LMNA: variants seen among roughly 807,000 people sequenced by gnomAD.
The protein encoded by LMNA is lamin A/C.
In LMNA, 20 loss-of-function variants were observed where a neutral mutation model predicts 70.4. That is an observed-to-expected ratio of 0.28 (90% CI 0.20 to 0.41). LMNA has a LOEUF of 0.41. Among genes scored for constraint, LMNA ranks in the 10% least tolerant of loss-of-function variants. LMNA has a pLI of 1.00. For synonymous variants in LMNA, 339 were observed against 372.8 expected (o/e 0.91, Z 1.04); for missense variants, 652 against 917.2 (o/e 0.71, Z 3.73).
chr1:156,097,622 ACC>A (rs1345737365), intron 3 of LMNA, among the ~76,000 whole-genome samples: 1 of 152,240 alleles, frequency 6.6e-6, no homozygotes, highest in African/African-American at 2.4e-5. Context: ...CTGACTCTTT[ACC>A]ATGCTTGGGA....
chr1:156,113,804 C>CTGGTAT (rs1649628338), upstream of LMNA, among the ~76,000 whole-genome samples: 1 of 152,124 alleles, frequency 6.6e-6, no homozygotes, highest in African/African-American at 2.4e-5. Context: ...TTTAAATTAT[C>CTGGTAT]CATTAAAATA....
At position 156,137,783 on chromosome 1, in the gene LMNA, G is replaced by A. The variant is rs1295454941; in HGVS notation, c.1698+40G>A. The A allele has an allele frequency of 6.5e-6, 10 of 1,548,196 alleles. No individual in the cohort carries two copies. Among genetic ancestry groups the A allele is most frequent in the Non-Finnish European group, 8.7e-6 (10 of 1,146,976 alleles). ...CCGCTGAGGCCGAGCCTGCACTGGG[G>A]CCACCCAGCCAGGCCTGGGGGCAGC... On this transcript the variant is annotated intron_variant, in intron 10 of 11. Transcript: ENST00000368300. This position sits in a 1 kb window ranked among gnomAD's most constrained non-coding sequence, Gnocchi z 4.6.
intron 3 of LMNA, among the ~76,000 whole-genome samples, chr1:156,099,867 CAAA>C (rs57524097): frequency 0.076 from 7,635 of 100,254 alleles, 386 homozygotes; most frequent in African/African-American, 0.18. Flanking sequence ...GCCTGGGTGA[CAAA>C]AAAAAAAAAA....
chr1:156,123,487 G>T (rs552407633), intron 1 of LMNA: 1 of 152,388 alleles, frequency 6.6e-6, no homozygotes, highest in African/African-American at 2.4e-5. Context: ...ACCAGATAGA[G>T]AGTTAAGGGG....
Position 156,139,182 on chromosome 1 carries a change from C to T in LMNA, c.*76C>T, listed in dbSNP as rs1309298896. 1.2e-6 allele frequency: 2 copies of T among 1,610,286 alleles called. No homozygotes were observed. The highest frequency in any genetic ancestry group is 1.7e-5 in the Admixed American group (1 of 59,858). On this transcript the variant is annotated 3_prime_UTR_variant, in exon 12 of 12. Transcript: ENST00000368300. Reference sequence around the variant, plus strand: ...CACCTCATGCCCACCCCCTGCCCTGCACGTCATGGGAGGGGGCTTGAAGCC... The same window carrying T: ...CACCTCATGCCCACCCCCTGCCCTGTACGTCATGGGAGGGGGCTTGAAGCC...
intron 1 of LMNA, among the ~76,000 whole-genome samples, chr1:156,116,847 A>G (rs1278956096): frequency 6.6e-6 from 1 of 151,992 alleles, no homozygotes; most frequent in African/African-American, 2.4e-5. Flanking sequence ...TACAGGCATG[A>G]GCCACCACGC....
At position 156,136,279 on chromosome 1, in the gene LMNA, A is replaced by G; in HGVS notation, c.1223A>G (p.Gln408Arg). ...GGCCGTGCTTCCTCTCACTCATCCC[A>G]GACACAGGGTGGGGGCAGCGTCACC... ...SRGRASSHSSQTQGGGSVTKK... is the reference protein window; with the variant it reads ...SRGRASSHSSRTQGGGSVTKK... The change falls in exon 7 of 12, where the codon CAG (glutamine) becomes CGG (arginine). Residue 408 changes from glutamine (Q) to arginine (R), a missense_variant. Gln to Arg is a conservative substitution (Grantham distance 43). Coordinates refer to ENST00000368300, the MANE Select transcript of LMNA (RefSeq NM_170707.4). This position sits in a 1 kb window ranked among gnomAD's most constrained non-coding sequence, Gnocchi z 6.1. 1 of 1,612,082 alleles carries G rather than the reference A, an allele frequency of 6.2e-7. No homozygotes were observed. The highest frequency in any genetic ancestry group is 1.3e-5 in the African/African-American group (1 of 75,016).
rs1241338199 is a variant in LMNA, at chr1:156,114,785, C to T, written c.-134C>T. The T allele has an allele frequency of 1.5e-6, 1 of 655,428 alleles. No individual in the cohort carries two copies. Among genetic ancestry groups the T allele is most frequent in the Non-Finnish European group, 2.5e-6 (1 of 396,442 alleles). The allele number at this position is 655,428 out of a possible 1,614,324, so 40.6% of individuals were successfully genotyped here. A position where few individuals can be genotyped will look rare whatever the true frequency, so the allele number is the denominator to read the frequency against. ...TCCGACAGCGCCCGGCCCAGATCCCCACGCCTGCCAGGAGCAAGCCGAGAG... is the reference window on the plus strand; with the variant it reads ...TCCGACAGCGCCCGGCCCAGATCCCTACGCCTGCCAGGAGCAAGCCGAGAG... On this transcript the variant is annotated 5_prime_UTR_variant, in exon 1 of 12. Transcript: ENST00000368300.
At chr1:156,122,385 C>T (rs565224757) in intron 1 of LMNA, among the ~76,000 whole-genome samples, 204 of 152,228 alleles carry the variant, frequency 1.3e-3, no homozygotes, top group Non-Finnish European at 2.5e-3. Context: ...TTCTAAAATA[C>T]CAAGTTATTA....
At chr1:156,116,088 G>A (rs1649808303) in intron 1 of LMNA, among the ~76,000 whole-genome samples, 3 of 152,194 alleles carry the variant, frequency 2.0e-5, no homozygotes, top group Admixed American at 2.0e-4. Context: ...GTTGTGTTAT[G>A]CCCAGGTCTG....
Position 156,089,601 on chromosome 1 carries a change from A to AAAAAG in LMNA, c.-318-867_-318-866insAGAAA, listed in dbSNP as rs1553259678. Among the ~76,000 whole-genome samples the AAAAAG allele has an allele frequency of 4.9e-4, 72 of 145,546 alleles. 1 individual carries two copies. The highest frequency in any genetic ancestry group is 7.4e-4 in the Non-Finnish European group (49 of 66,540). On this transcript the variant is annotated intron_variant, in intron 2 of 12. Coordinates refer to the LMNA transcript ENST00000368301. The stretch of plus-strand genomic sequence containing the variant: ...AGAGCCAAACTCCGTCTAAAAAAAA[A>AAAAAG]AAAGAAAGAAAGAAAGAAAGAAAGG...
chr1:156,114,696 C>T (rs188625872), upstream of LMNA: 485 of 554,604 alleles, frequency 8.7e-4, no homozygotes, highest in African/African-American at 8.6e-3. Flanking sequence ...GCCTTTGCCC[C>T]GGCGTCGGTG....
rs1343728259 is a variant in LMNA, at chr1:156,101,666, G to A, written c.-207+11084G>A. On this transcript the variant is annotated intron_variant, in intron 3 of 12. Coordinates refer to the LMNA transcript ENST00000368301. ...AGGGAGGGAGGGAGGGAGGGAGGGA[G>A]GGAGCGAGGGAATCACTATGGTTTA... Among the ~76,000 whole-genome samples the A allele has an allele frequency of 2.1e-5, 3 of 144,454 alleles. No homozygotes were observed. The Admixed American group carries it at 2.1e-4, about 10-fold the overall frequency. The allele number at this position is 144,454 out of a possible 152,430, so 94.8% of individuals were successfully genotyped here. A position where few individuals can be genotyped will look rare whatever the true frequency, so the allele number is the denominator to read the frequency against.
intron 1 of LMNA, among the ~76,000 whole-genome samples, chr1:156,120,618 C>T (rs1207864606): frequency 2.0e-5 from 3 of 152,054 alleles, no homozygotes; most frequent in East Asian, 1.9e-4. Flanking sequence ...GAAGCTGAGG[C>T]GGGAGGATCA....
chr1:156,114,821 G>A lies in LMNA; in HGVS notation c.-98G>A. 1 of 831,950 alleles carries A rather than the reference G, an allele frequency of 1.2e-6. No homozygotes were observed. The highest frequency in any genetic ancestry group is 1.8e-6 in the Non-Finnish European group (1 of 556,288). 51.5% of individuals were successfully genotyped at this position (831,950 alleles called of 1,614,324 possible). On this transcript the variant is annotated 5_prime_UTR_variant, in exon 1 of 12. Coordinates refer to ENST00000368300, the MANE Select transcript of LMNA (RefSeq NM_170707.4). ...GGAGCAAGCCGAGAGCCAGCCGGCC[G>A]GCGCACTCCGACTCCGAGCAGTCTC...
intron 1 of LMNA, among the ~76,000 whole-genome samples, chr1:156,125,167 A>C (rs1007410323): frequency 4.6e-5 from 7 of 152,238 alleles, no homozygotes; most frequent in Non-Finnish European, 8.8e-5. Context: ...CCCACGACCC[A>C]ACAGGTAGAA....
In LMNA at chr1:156,115,584, T is replaced by C. The variant is rs547915; in HGVS notation, c.356+310T>C. 0.8 allele frequency among the ~76,000 whole-genome samples: 121,869 copies of C among 152,120 alleles called. 51,962 individuals are homozygous for C. Among genetic ancestry groups the C allele is most frequent in the East Asian group, 0.98 (5,039 of 5,158 alleles). Reference sequence around the variant, plus strand: ...GGTCAGATTGGGATTTGCCAACTATTTGGAGCCGGGGGGAGGGGCTTGAGC... The same window carrying C: ...GGTCAGATTGGGATTTGCCAACTATCTGGAGCCGGGGGGAGGGGCTTGAGC... On this transcript the variant is annotated intron_variant, in intron 1 of 11. Coordinates refer to ENST00000368300, the MANE Select transcript of LMNA (RefSeq NM_170707.4). The surrounding 1 kb of genome is among the most constrained non-coding windows in gnomAD (Gnocchi z 5.8).
At chr1:156,110,183 C>T (rs555003004), upstream of LMNA, among the ~76,000 whole-genome samples, 43 of 152,252 alleles carry the variant, frequency 2.8e-4, 1 homozygote, top group African/African-American at 9.6e-4. Context: ...TAGCTCCTAC[C>T]GTGTTCTAAC....
intron 3 of LMNA, among the ~76,000 whole-genome samples, chr1:156,100,907 G>A (rs1328607452): frequency 1.3e-5 from 2 of 152,204 alleles, no homozygotes; most frequent in East Asian, 1.9e-4. Flanking sequence ...TACTGGTGGC[G>A]AGTGGGGACA....
Sources: allele counts gnomAD v4.1 joint callset (sites outside exome capture counted in the v4.1 genomes callset), GRCh38; gene constraint gnomAD v4.1.1; non-coding constraint Gnocchi (gnomAD v3.1); transcripts MANE v1.5; gene names NCBI Gene and HGNC (gene_info 2026-07-23, HGNC 2026-07-21).